Variants in NBEA observed in about 807,000 individuals in gnomAD.
The protein encoded by NBEA is lysosomal-trafficking regulator 2.
Under a neutral mutation model 343.4 loss-of-function variants are expected in NBEA, and 44 were observed. That is an observed-to-expected ratio of 0.13 (90% CI 0.10 to 0.16). The LOEUF (loss-of-function observed/expected upper bound fraction) is 0.16, where lower values mean the gene tolerates loss of function less well. NBEA is among the 10% of genes least tolerant of loss of function. The pLI, the probability that NBEA is intolerant of heterozygous loss-of-function variation, is 1.00. For synonymous variants in NBEA, 1,175 were observed against 1,238.7 expected (o/e 0.95, Z 1.08); for missense variants, 2,555 against 3,631.3 (o/e 0.70, Z 7.62).
intron 38 of NBEA, among the ~76,000 whole-genome samples, chr13:35,370,648 TG>T (rs1314989874): frequency 6.6e-6 from 1 of 152,102 alleles, no homozygotes; most frequent in Non-Finnish European, 1.5e-5. Context: ...TGTGGTTTGG[TG>T]GTATTCTATA....
intron 35 of NBEA, among the ~76,000 whole-genome samples, chr13:35,291,214 C>T (rs1384744205): frequency 6.6e-6 from 1 of 151,764 alleles, no homozygotes; most frequent in Non-Finnish European, 1.5e-5. Context: ...TTGTAATAAG[C>T]AGTTATTATC....
At chr13:35,155,329 A>G (rs980879603) in intron 18 of NBEA, among the ~76,000 whole-genome samples, 1 of 152,088 alleles carries the variant, frequency 6.6e-6, no homozygotes, top group African/African-American at 2.4e-5. Flanking sequence ...AATTCATTAA[A>G]AAGTCTCTTT....
chr13:35,646,850 A>G (rs1014876583), intron 51 of NBEA, among the ~76,000 whole-genome samples: 5 of 152,176 alleles, frequency 3.3e-5, no homozygotes, highest in Admixed American at 1.3e-4. Context: ...CAGGGCAAAC[A>G]CCATCTCTGC....
chr13:34,997,961 G>A (rs907438694), intron 1 of NBEA, among the ~76,000 whole-genome samples: 11 of 152,066 alleles, frequency 7.2e-5, no homozygotes, highest in Admixed American at 2.6e-4. Context: ...GGCTTAGGAG[G>A]TATTTTTTTT....
At chr13:35,443,447 A>T (rs1411170042) in intron 39 of NBEA, among the ~76,000 whole-genome samples, 1 of 152,012 alleles carries the variant, frequency 6.6e-6, no homozygotes, top group Non-Finnish European at 1.5e-5. Flanking sequence ...ATTTTGGATT[A>T]TTCAATATAT....
chr13:34,962,653 A>G (rs552216234), intron 1 of NBEA, among the ~76,000 whole-genome samples: 1 of 152,196 alleles, frequency 6.6e-6, no homozygotes, highest in South Asian at 2.1e-4. Context: ...TATTTGCTAT[A>G]TTGTGTTTCT....
chr13:35,107,070 A>G (rs2065956102), intron 11 of NBEA, among the ~76,000 whole-genome samples: 1 of 151,920 alleles, frequency 6.6e-6, no homozygotes, highest in Non-Finnish European at 1.5e-5. Flanking sequence ...AATCATTACT[A>G]CTGAATAAAA....
chr13:35,073,005 G>T (rs2152575793), intron 10 of NBEA, among the ~76,000 whole-genome samples: 1 of 152,136 alleles, frequency 6.6e-6, no homozygotes, highest in Non-Finnish European at 1.5e-5. Flanking sequence ...AATTATTTCA[G>T]TATCCTAAAT....
At chr13:35,322,059 A>G (rs1487407276) in intron 36 of NBEA, among the ~76,000 whole-genome samples, 1 of 152,096 alleles carries the variant, frequency 6.6e-6, no homozygotes, top group Admixed American at 6.5e-5. Context: ...CTGATGAGCT[A>G]GACCACCTGG....
intron 1 of NBEA, among the ~76,000 whole-genome samples, chr13:35,020,573 C>T (rs967546753): frequency 7.2e-5 from 11 of 152,152 alleles, no homozygotes; most frequent in African/African-American, 2.2e-4. Context: ...AGCTGGAGGG[C>T]GGTGGCACGA....
chr13:35,307,276 A>G (rs1425084056), intron 35 of NBEA, among the ~76,000 whole-genome samples: 1 of 151,980 alleles, frequency 6.6e-6, no homozygotes, highest in African/African-American at 2.4e-5. Flanking sequence ...ACAATATCCT[A>G]CAATTTCCTC....
intron 34 of NBEA, among the ~76,000 whole-genome samples, chr13:35,253,195 A>G (rs1367123969): frequency 6.6e-6 from 1 of 152,198 alleles, no homozygotes; most frequent in African/African-American, 2.4e-5. Flanking sequence ...AATAAAATAT[A>G]TACCCAGGAA....
intron 10 of NBEA, among the ~76,000 whole-genome samples, chr13:35,089,339 G>T (rs1388071289): frequency 6.6e-6 from 1 of 151,038 alleles, no homozygotes; most frequent in South Asian, 2.1e-4. Flanking sequence ...TCAGAGAAAT[G>T]CAAATCAAAA....
rs186396620 is a variant in NBEA at position 35,054,176 on chromosome 13, A to C, written c.973-1834A>C. ...CGTGTCTCTTCTCTTTAGAAATGCAAAGTTTACACATTTTATTCCACAATA... is the reference window on the plus strand; with the variant it reads ...CGTGTCTCTTCTCTTTAGAAATGCACAGTTTACACATTTTATTCCACAATA... On this transcript the variant is annotated intron_variant, in intron 6 of 58. Transcript: ENST00000379939. Among the ~76,000 whole-genome samples, 10 of 152,242 alleles carry C rather than the reference A, an allele frequency of 6.6e-5. No homozygotes were observed. The East Asian group carries it at 1.7e-3, about 26-fold the overall frequency.
intron 1 of NBEA, among the ~76,000 whole-genome samples, chr13:34,954,523 T>C (rs1566086521): frequency 6.6e-6 from 1 of 152,324 alleles, no homozygotes; most frequent in East Asian, 1.9e-4. Context: ...TCTTTTAATT[T>C]CTACATTTTC....
intron 38 of NBEA, among the ~76,000 whole-genome samples, chr13:35,416,929 A>G (rs1182302893): frequency 6.6e-6 from 1 of 152,124 alleles, no homozygotes; most frequent in African/African-American, 2.4e-5. Context: ...TTATTGGTCT[A>G]TTCAGGGATT....
chr13:35,664,137 G>A (rs1031423649), intron 55 of NBEA, among the ~76,000 whole-genome samples: 20 of 152,308 alleles, frequency 1.3e-4, no homozygotes, highest in African/African-American at 4.8e-4. Flanking sequence ...TGGAGCAGCA[G>A]TCCAGCTAGC....
chr13:35,438,115 G>GA (rs201460416), intron 39 of NBEA, among the ~76,000 whole-genome samples: 2,755 of 147,024 alleles, frequency 0.019, 113 homozygotes, highest in African/African-American at 0.064. Context: ...TCAGCCTGAG[G>GA]AAAAAAAAAA....
chr13:35,643,246 C>G (rs2153074706), intron 49 of NBEA, among the ~76,000 whole-genome samples: 1 of 152,088 alleles, frequency 6.6e-6, no homozygotes, highest in African/African-American at 2.4e-5. Context: ...GAACCTATTC[C>G]CCTTCCCCTC....
Sources: gnomAD v4.1 joint callset for allele counts (sites outside exome capture counted in the v4.1 genomes callset) on GRCh38, gnomAD v4.1.1 for gene constraint, MANE v1.5 for transcripts, NCBI Gene and HGNC (gene_info 2026-07-23, HGNC 2026-07-21) for gene names.